The following MAML3 variants were observed in gnomAD, a reference collection of about 807,000 sequenced individuals.
MAML3 encodes the protein mastermind-like protein 3.
MAML3 carries 27 observed loss-of-function variants against 101.9 expected under a neutral mutation model. That is an observed-to-expected ratio of 0.27 (90% CI 0.20 to 0.37). The LOEUF (loss-of-function observed/expected upper bound fraction) is 0.37, where lower values mean the gene tolerates loss of function less well. MAML3 is among the 10% of genes least tolerant of loss of function. The probability of loss-of-function intolerance (pLI) is 1.00; values close to 1 mark genes in which losing one functional copy is unlikely to be tolerated. For missense variants in MAML3, 1,316 were observed against 1,444.9 expected, an observed-to-expected ratio of 0.91 and a Z score of 1.45; for synonymous variants, 501 against 555.9, an observed-to-expected ratio of 0.90 and a Z score of 1.39.
chr4:139,888,382 T>C (rs1253819823), intron 2 of MAML3, among the ~76,000 whole-genome samples: 3 of 152,222 alleles, frequency 2.0e-5, no homozygotes, highest in African/African-American at 7.2e-5. Flanking sequence ...GTCTGCATCC[T>C]GGAAGAATTG....
intron 1 of MAML3, among the ~76,000 whole-genome samples, chr4:140,149,941 T>TTTTC (rs1560909225): frequency 7.3e-6 from 1 of 137,816 alleles, no homozygotes; most frequent in East Asian, 2.0e-4. Context: ...GTTTCTTTCT[T>TTTTC]TTTTTTTTTT....
intron 1 of MAML3, among the ~76,000 whole-genome samples, chr4:139,989,840 CACACAAACAA>C (rs1734624446): frequency 1.6e-5 from 1 of 63,232 alleles, no homozygotes; most frequent in African/African-American, 4.7e-5. Flanking sequence ...CACCCCACCA[CACACAAACAA>C]ACACACACAC....
rs1044885896 is a variant in MAML3, at chr4:139,921,911, T to C, written c.469-30944A>G. On this transcript the variant is annotated intron_variant, in intron 1 of 4. Coordinates refer to ENST00000509479, the MANE Select transcript of MAML3 (RefSeq NM_018717.5). ...AAACCCTATGCCAATCCAATAAAGG[T>C]ATCAGCAGTTCAGTGTGGGGAGGCA... 2.0e-5 allele frequency among the ~76,000 whole-genome samples: 3 copies of C among 152,174 alleles called. No homozygotes were observed. The East Asian group carries it at 5.8e-4, about 29-fold the overall frequency.
At chr4:139,730,880 C>T (rs1319352840) in intron 2 of MAML3, 3 of 590,210 alleles carry the variant, frequency 5.1e-6, no homozygotes, top group East Asian at 5.6e-5. Flanking sequence ...AGTAAGAGAG[C>T]ATGGCTCTGG....
At chr4:139,769,906 C>A (rs375941819) in intron 2 of MAML3, among the ~76,000 whole-genome samples, 2 of 139,346 alleles carry the variant, frequency 1.4e-5, no homozygotes, top group Non-Finnish European at 3.1e-5. Flanking sequence ...TGAGCCATCG[C>A]GCCCAGCCTC....
intron 1 of MAML3, among the ~76,000 whole-genome samples, chr4:140,032,348 C>T (rs1192526610): frequency 2.0e-5 from 3 of 152,150 alleles, no homozygotes; most frequent in Non-Finnish European, 4.4e-5. Context: ...TAGCGGATGA[C>T]CTGTCTTAGA....
At chr4:139,966,246 C>T (rs1734128316) in intron 1 of MAML3, among the ~76,000 whole-genome samples, 2 of 152,092 alleles carry the variant, frequency 1.3e-5, no homozygotes, top group African/African-American at 2.4e-5. Flanking sequence ...GTTAACTCTT[C>T]GAAAATGAAT....
At position 140,011,680 on chromosome 4, in the gene MAML3, A is replaced by G. The variant is rs1014158291; in HGVS notation, c.469-120713T>C. 3.3e-5 allele frequency among the ~76,000 whole-genome samples: 5 copies of G among 152,254 alleles called. No homozygotes were observed. The East Asian group carries it at 9.7e-4, about 29-fold the overall frequency. On this transcript the variant is annotated intron_variant, in intron 1 of 4. Transcript: ENST00000509479. ...TTTATGGGAGGTTGAGGAGTGGTTC[A>G]GGTGAACTAATGGCCTTAATGATTT... is the stretch of plus-strand genomic sequence containing the variant.
chr4:139,981,892 T>A (rs1734451248), intron 1 of MAML3, among the ~76,000 whole-genome samples: 1 of 152,216 alleles, frequency 6.6e-6, no homozygotes, highest in African/African-American at 2.4e-5. Context: ...TCACGTCATA[T>A]CAAGAATGCA....
intron 1 of MAML3, among the ~76,000 whole-genome samples, chr4:139,963,418 G>T (rs925190001): frequency 1.3e-5 from 2 of 152,204 alleles, no homozygotes; most frequent in Non-Finnish European, 1.5e-5. Flanking sequence ...CATAGTTTGA[G>T]TAGCAAGGGT....
At chr4:139,818,245 G>A (rs1334431465) in intron 2 of MAML3, among the ~76,000 whole-genome samples, 1 of 152,158 alleles carries the variant, frequency 6.6e-6, no homozygotes, top group Non-Finnish European at 1.5e-5. Flanking sequence ...GGCTAGCTTA[G>A]ACATGCTCAT....
rs1175464247 is a variant in MAML3 at position 139,889,870 on chromosome 4, T to C, written c.1566A>G (p.Gly522=). 9 of 1,612,864 alleles carry C rather than the reference T, an allele frequency of 5.6e-6. No individual in the cohort carries two copies. In the South Asian group the frequency reaches 8.8e-5, roughly 16 times the overall value. The part of the protein sequence containing the change: ...SNQTSNWSPL[G]PPSSPYGAAF... ...CTGCTCCATATGGACTAGAGGGAGGTCCTAAGGGAGACCAATTTGAAGTCT... is the reference window on the plus strand; with the variant it reads ...CTGCTCCATATGGACTAGAGGGAGGCCCTAAGGGAGACCAATTTGAAGTCT... Residue 522 remains glycine (G), a synonymous_variant, in exon 2 of 5, where the codon GGA becomes GGG. Coordinates refer to ENST00000509479, the MANE Select transcript of MAML3 (RefSeq NM_018717.5).
At chr4:140,152,146 C>T (rs1225031464) in intron 1 of MAML3, among the ~76,000 whole-genome samples, 1 of 152,216 alleles carries the variant, frequency 6.6e-6, no homozygotes, top group African/African-American at 2.4e-5. Flanking sequence ...CCGGGCTAGC[C>T]CCGAGTCGCG....
chr4:139,774,247 T>C (rs964711480), intron 2 of MAML3, among the ~76,000 whole-genome samples: 15 of 152,220 alleles, frequency 9.9e-5, no homozygotes, highest in Non-Finnish European at 2.2e-4. Context: ...CAAATCCTCC[T>C]TGACAACTAC....
intron 1 of MAML3, among the ~76,000 whole-genome samples, chr4:140,140,382 G>A (rs1373877275): frequency 6.6e-6 from 1 of 151,952 alleles, no homozygotes; most frequent in Non-Finnish European, 1.5e-5. Flanking sequence ...TTATCATACT[G>A]GATGGCCTAG....
At chr4:139,910,484 A>C (rs1268314678) in intron 1 of MAML3, among the ~76,000 whole-genome samples, 1 of 152,028 alleles carries the variant, frequency 6.6e-6, no homozygotes, top group East Asian at 1.9e-4. Flanking sequence ...TTATTTAAAT[A>C]CTGAGGTATT....
At chr4:140,046,795 G>A (rs1045745038) in intron 1 of MAML3, among the ~76,000 whole-genome samples, 2 of 152,130 alleles carry the variant, frequency 1.3e-5, no homozygotes, top group Admixed American at 6.6e-5. Flanking sequence ...GCAAAGGGCA[G>A]GGGGAGGGGT....
At chr4:139,898,874 T>C (rs1732662695) in intron 1 of MAML3, among the ~76,000 whole-genome samples, 1 of 152,228 alleles carries the variant, frequency 6.6e-6, no homozygotes, top group Non-Finnish European at 1.5e-5. Flanking sequence ...GCGCAAAACA[T>C]TTCCAGAACT....
chr4:140,077,661 T>C (rs1171297044), intron 1 of MAML3, among the ~76,000 whole-genome samples: 1 of 152,156 alleles, frequency 6.6e-6, no homozygotes, highest in Non-Finnish European at 1.5e-5. Context: ...ACAGAGAACA[T>C]AGAAGTAGGC....
Sources: allele counts gnomAD v4.1 joint callset (sites outside exome capture counted in the v4.1 genomes callset), GRCh38; gene constraint gnomAD v4.1.1; transcripts MANE v1.5; gene names NCBI Gene and HGNC (gene_info 2026-07-23, HGNC 2026-07-21).